Variants in SORBS2 observed in about 807,000 individuals in gnomAD.
The protein encoded by SORBS2 is sorbin and SH3 domain-containing protein 2.
In SORBS2, 46 loss-of-function variants were observed where a neutral mutation model predicts 97.7. That is an observed-to-expected ratio of 0.47 (90% CI 0.37 to 0.60). The LOEUF (loss-of-function observed/expected upper bound fraction) is 0.60. Ranked by LOEUF, SORBS2 falls within the 20% of genes least tolerant of loss-of-function variation. The pLI, the probability that SORBS2 is intolerant of heterozygous loss-of-function variation, is 0.00. For missense variants in SORBS2, 1,316 were observed against 1,282.3 expected, an observed-to-expected ratio of 1.03 and a Z score of -0.40; for synonymous variants, 476 against 473.4, an observed-to-expected ratio of 1.01 and a Z score of -0.07.
intron 2 of SORBS2, among the ~76,000 whole-genome samples, chr4:185,764,308 T>C (rs1209774799): frequency 1.3e-5 from 2 of 152,186 alleles, no homozygotes; most frequent in Non-Finnish European, 2.9e-5. Flanking sequence ...GAGGTTAAGA[T>C]AATGTATACA....
At chr4:185,637,429 A>T (rs1333226884) in intron 4 of SORBS2, among the ~76,000 whole-genome samples, 1 of 152,194 alleles carries the variant, frequency 6.6e-6, no homozygotes. Flanking sequence ...CTGATGACAC[A>T]TTTCTCAGAA....
chr4:185,751,190 A>AAAAAAAAAAAAAAAAAAAAAAAAG lies in SORBS2; in HGVS notation c.-198+24036_-198+24037insCTTTTTTTTTTTTTTTTTTTTTTT. On this transcript the variant is annotated intron_variant, in intron 2 of 20. Coordinates refer to the SORBS2 transcript ENST00000284776. ...TAAATACTAAAAAAAAAAAAAAAAA[A>AAAAAAAAAAAAAAAAAAAAAAAAG]AGAGAAAGAGAGAGAAATTCAGGAA... Among the ~76,000 whole-genome samples, 782 of 86,206 alleles carry AAAAAAAAAAAAAAAAAAAAAAAAG rather than the reference A, an allele frequency of 9.1e-3. 199 individuals are homozygous for AAAAAAAAAAAAAAAAAAAAAAAAG. Among genetic ancestry groups the AAAAAAAAAAAAAAAAAAAAAAAAG allele is most frequent in the Non-Finnish European group, 0.013 (524 of 39,556 alleles). 56.6% of individuals were successfully genotyped at this position (86,206 alleles called of 152,430 possible).
intron 12 of SORBS2, among the ~76,000 whole-genome samples, chr4:185,600,889 T>C (rs10012577): frequency 0.19 from 28,778 of 151,764 alleles, 3,626 homozygotes; most frequent in African/African-American, 0.35. Context: ...TGCCAACCTG[T>C]GGGCTGGACT....
chr4:185,637,961 T>C (rs963767469), intron 4 of SORBS2, 118 bp downstream of exon 15: 59 of 707,698 alleles, frequency 8.3e-5, no homozygotes, highest in East Asian at 2.0e-4. Context: ...AGTGTGTGTA[T>C]ACATTATGCA....
chr4:185,806,789 C>T (rs1216850002), intron 1 of SORBS2, among the ~76,000 whole-genome samples: 1 of 152,150 alleles, frequency 6.6e-6, no homozygotes, highest in Non-Finnish European at 1.5e-5. Flanking sequence ...GTTTGTTGGA[C>T]TCCTTGCGGC....
At chr4:185,639,590 A>G (rs73030018) in intron 4 of SORBS2, among the ~76,000 whole-genome samples, 197 of 152,366 alleles carry the variant, frequency 1.3e-3, no homozygotes, top group African/African-American at 4.5e-3. Flanking sequence ...CTGATTTTGT[A>G]GTAAATCTAA....
chr4:185,816,227 A>G (rs1219634643), intron 1 of SORBS2, among the ~76,000 whole-genome samples: 1 of 151,778 alleles, frequency 6.6e-6, no homozygotes, highest in African/African-American at 2.4e-5. Flanking sequence ...CAAAATCATC[A>G]CTGCTTGAAG....
At chr4:185,903,392 T>C (rs780202842) in intron 1 of SORBS2, among the ~76,000 whole-genome samples, 3 of 152,194 alleles carry the variant, frequency 2.0e-5, no homozygotes, top group Non-Finnish European at 4.4e-5. Flanking sequence ...TCATGATTCA[T>C]ACATTTCTTT....
chr4:185,863,681 C>A (rs1483142238), intron 1 of SORBS2, among the ~76,000 whole-genome samples: 5 of 152,132 alleles, frequency 3.3e-5, no homozygotes, highest in African/African-American at 9.7e-5. Flanking sequence ...GATTTCTAAG[C>A]AGACATACTC....
At chr4:185,904,983 A>T (rs1292123720) in intron 1 of SORBS2, among the ~76,000 whole-genome samples, 1 of 152,200 alleles carries the variant, frequency 6.6e-6, no homozygotes, top group Non-Finnish European at 1.5e-5. Flanking sequence ...GCATGCCTAT[A>T]GTCCCAGCTA....
intron 1 of SORBS2, among the ~76,000 whole-genome samples, chr4:185,945,179 C>A (rs1579619597): frequency 6.6e-6 from 1 of 152,172 alleles, no homozygotes; most frequent in East Asian, 1.9e-4. Context: ...ATTGTGATAG[C>A]TTGGAAGTTT....
chr4:185,888,482 C>A (rs567290205), intron 1 of SORBS2, among the ~76,000 whole-genome samples: 4 of 152,290 alleles, frequency 2.6e-5, no homozygotes, highest in Admixed American at 2.0e-4. Context: ...GGGAGTGTAA[C>A]CCCACCTCCA....
At chr4:185,772,402 T>C (rs1043956647) in intron 2 of SORBS2, 1 of 152,128 alleles carries the variant, frequency 6.6e-6, no homozygotes, top group Non-Finnish European at 1.5e-5. Flanking sequence ...TATCTGGAAG[T>C]TTATTATTTT....
chr4:185,704,742 A>C (rs1487386165), intron 2 of SORBS2, among the ~76,000 whole-genome samples: 1 of 152,216 alleles, frequency 6.6e-6, no homozygotes, highest in Non-Finnish European at 1.5e-5. Context: ...AGAAACATTC[A>C]GCTCTGGGAA....
chr4:185,953,009 G>A (rs995986568), intron 1 of SORBS2, among the ~76,000 whole-genome samples: 1 of 152,078 alleles, frequency 6.6e-6, no homozygotes, highest in Non-Finnish European at 1.5e-5. Flanking sequence ...ATTAAGTTAT[G>A]TTGGTCTCTT....
intron 12 of SORBS2, among the ~76,000 whole-genome samples, chr4:185,602,801 C>T (rs200507856): frequency 8.5e-5 from 13 of 152,234 alleles, no homozygotes; most frequent in African/African-American, 2.4e-4. Context: ...CCTAAAATTA[C>T]GAGTTGATTC....
chr4:185,904,968 G>T (rs2099249882), intron 1 of SORBS2, among the ~76,000 whole-genome samples: 1 of 152,162 alleles, frequency 6.6e-6, no homozygotes, highest in African/African-American at 2.4e-5. Flanking sequence ...GCCAGGCGTG[G>T]TGGCGCATGC....
rs76902037 is a variant in SORBS2 at position 185,665,594 on chromosome 4, G to A, written c.-45-3352C>T. 3.7e-3 allele frequency: 781 copies of A among 213,688 alleles called. 9 individuals are homozygous for A. Among genetic ancestry groups the A allele is most frequent in the African/African-American group, 0.018 (757 of 42,726 alleles). 13.2% of individuals were successfully genotyped at this position (213,688 alleles called of 1,614,324 possible). ...TAAGCAAGCTTATAGGATGACTAATGATTTCCCTGACAGATGGCATAGAAT... is the reference window on the plus strand; with the variant it reads ...TAAGCAAGCTTATAGGATGACTAATAATTTCCCTGACAGATGGCATAGAAT... On this transcript the variant is annotated intron_variant, in intron 4 of 20. Transcript: ENST00000284776.
At chr4:185,693,343 C>G (rs933166050) in intron 2 of SORBS2, among the ~76,000 whole-genome samples, 9 of 151,926 alleles carry the variant, frequency 5.9e-5, no homozygotes, top group African/African-American at 2.2e-4. Flanking sequence ...TGAGGGATAC[C>G]GATGAAGTCA....
Sources: gnomAD v4.1 joint callset for allele counts (sites outside exome capture counted in the v4.1 genomes callset) on GRCh38, gnomAD v4.1.1 for gene constraint, MANE v1.5 for transcripts, NCBI Gene and HGNC (gene_info 2026-07-23, HGNC 2026-07-21) for gene names.